YIPF4: variants seen among roughly 807,000 people sequenced by gnomAD.
The protein encoded by YIPF4 is Yip1 domain family member 4.
A neutral mutation model predicts 29.4 loss-of-function variants in YIPF4; 18 were observed. That is an observed-to-expected ratio of 0.61 (90% CI 0.42 to 0.91). The LOEUF (loss-of-function observed/expected upper bound fraction) is 0.91. YIPF4 is among the 40% of genes least tolerant of loss of function. The pLI, the probability that YIPF4 is intolerant of heterozygous loss-of-function variation, is 0.00. For missense variants in YIPF4, 279 were observed against 282.7 expected (o/e 0.99, Z 0.09); for synonymous variants, 115 against 104.7 (o/e 1.10, Z -0.60).
intron 1 of YIPF4, among the ~76,000 whole-genome samples, chr2:32,282,777 A>G (rs2030485920): frequency 6.6e-6 from 1 of 151,970 alleles, no homozygotes; most frequent in East Asian, 1.9e-4. Context: ...CAAATTGGGA[A>G]TAAGAATACC....
chr2:32,315,050 T>C lies in YIPF4; in HGVS notation c.*9424T>C, dbSNP rs527370790. On this transcript the variant is annotated 3_prime_UTR_variant, in exon 6 of 6. Coordinates refer to ENST00000238831, the MANE Select transcript of YIPF4 (RefSeq NM_032312.4). The stretch of plus-strand genomic sequence containing the variant: ...AAGGTTACATAATCCATAACTGATA[T>C]GGCAGTTTAACAGTGTTATTAAGAA... 2.6e-5 allele frequency: 4 copies of C among 152,358 alleles called. No homozygotes were observed. The highest frequency in any genetic ancestry group is 2.1e-4 in the South Asian group (1 of 4,828). 9.4% of individuals were successfully genotyped at this position (152,358 alleles called of 1,614,324 possible).
rs749009676 is a variant in YIPF4, at chr2:32,307,167, T to C, written c.*1541T>C. ...AATAATATGAAGTAATCAGGAAATA[T>C]CTATGCCTACAGAAGCAGCAACCGT... is the stretch of plus-strand genomic sequence containing the variant. On this transcript the variant is annotated 3_prime_UTR_variant, in exon 6 of 6. Transcript: ENST00000238831. 1 of 1,290,518 alleles carries C rather than the reference T, an allele frequency of 7.7e-7. No individual in the cohort carries two copies. The highest frequency in any genetic ancestry group is 1.3e-5 in the South Asian group (1 of 78,146). The allele number at this position is 1,290,518 out of a possible 1,614,324, so 79.9% of individuals were successfully genotyped here.
chr2:32,306,621 G>C lies in YIPF4; in HGVS notation c.*995G>C, dbSNP rs867622476. 4.1e-6 allele frequency: 4 copies of C among 982,462 alleles called. No individual in the cohort carries two copies. Among genetic ancestry groups the C allele is most frequent in the Middle Eastern group, 1.0e-3 (2 of 1,910 alleles). 60.9% of individuals were successfully genotyped at this position (982,462 alleles called of 1,614,324 possible). On this transcript the variant is annotated 3_prime_UTR_variant, in exon 6 of 6. Coordinates refer to ENST00000238831, the MANE Select transcript of YIPF4 (RefSeq NM_032312.4). The stretch of plus-strand genomic sequence containing the variant: ...CCTGTATTACTTGATATTTTAACAA[G>C]TATCAGGTACTCTCTAACAAATGTA...
intron 4 of YIPF4, among the ~76,000 whole-genome samples, chr2:32,300,678 T>A (rs1026716787): frequency 6.6e-6 from 1 of 152,094 alleles, no homozygotes; most frequent in Non-Finnish European, 1.5e-5. Flanking sequence ...ATAATATTTA[T>A]ATGAAAATAT....
At chr2:32,283,526 C>T (rs1448575460) in intron 1 of YIPF4, among the ~76,000 whole-genome samples, 1 of 152,116 alleles carries the variant, frequency 6.6e-6, no homozygotes, top group African/African-American at 2.4e-5. Context: ...TGTCTTTCTC[C>T]TCCTCGCCTT....
chr2:32,278,777 T>G (rs778821846), intron 1 of YIPF4, among the ~76,000 whole-genome samples: 8 of 152,136 alleles, frequency 5.3e-5, no homozygotes, highest in Non-Finnish European at 1.0e-4. Context: ...CACCTCAGTA[T>G]TCAGAGAAAT....
rs2031589951 is a variant in YIPF4 at position 32,306,638 on chromosome 2, A to G, written c.*1012A>G. ...TTTAACAAGTATCAGGTACTCTCTA[A>G]CAAATGTACAGTTTTTGCTAAGGGA... On this transcript the variant is annotated 3_prime_UTR_variant, in exon 6 of 6. Transcript: ENST00000238831. 5.1e-6 allele frequency: 5 copies of G among 973,396 alleles called. No homozygotes were observed. The highest frequency in any genetic ancestry group is 6.1e-6 in the Non-Finnish European group (5 of 819,124). 60.3% of individuals were successfully genotyped at this position (973,396 alleles called of 1,614,324 possible).
chr2:32,306,009 A>G lies in YIPF4; in HGVS notation c.*383A>G, dbSNP rs560575682. ...ATCAAAAGTGCAATTTTTTTCTTCAAAATGTTTTCTCCAGCATCACAGATC... is the reference window on the plus strand; with the variant it reads ...ATCAAAAGTGCAATTTTTTTCTTCAGAATGTTTTCTCCAGCATCACAGATC... On this transcript the variant is annotated 3_prime_UTR_variant, in exon 6 of 6. Coordinates refer to ENST00000238831, the MANE Select transcript of YIPF4 (RefSeq NM_032312.4). The G allele has an allele frequency of 2.7e-5, 26 of 980,674 alleles. No individual in the cohort carries two copies. In the East Asian group the frequency reaches 7.9e-4, roughly 30 times the overall value. The allele number at this position is 980,674 out of a possible 1,614,324, so 60.7% of individuals were successfully genotyped here.
chr2:32,284,723 C>G (rs1164153891), intron 1 of YIPF4, among the ~76,000 whole-genome samples: 4 of 152,232 alleles, frequency 2.6e-5, no homozygotes, highest in Non-Finnish European at 4.4e-5. Flanking sequence ...GCAAGTATAT[C>G]TGAGAACTGA....
chr2:32,297,182 T>A (rs752873599), intron 3 of YIPF4, among the ~76,000 whole-genome samples: 1 of 151,980 alleles, frequency 6.6e-6, no homozygotes, highest in Non-Finnish European at 1.5e-5. Context: ...TGGAGTGCAA[T>A]GGCGCAATCT....
In YIPF4 at chr2:32,277,989, G is replaced by C; in HGVS notation, c.-167G>C. 1.7e-6 allele frequency: 1 copy of C among 578,134 alleles called. No individual in the cohort carries two copies. The highest frequency in any genetic ancestry group is 2.2e-5 in the South Asian group (1 of 45,460). The allele number at this position is 578,134 out of a possible 1,614,324, so 35.8% of individuals were successfully genotyped here. ...AAGACTTTGGTGGGGTAGTCTCGGG[G>C]CAGCTCAGCGGCCCGCTGTGCCCGT... On this transcript the variant is annotated 5_prime_UTR_variant, in exon 1 of 6. Transcript: ENST00000238831.
rs750395218 is a variant in YIPF4, at chr2:32,316,535, A to G, written c.*10909A>G. On this transcript the variant is annotated 3_prime_UTR_variant, in exon 6 of 6. Transcript: ENST00000238831. ...TAAACTATTGAAATGCATCTGTGTC[A>G]ATGGTAAATAGTATTATTGTAAGTA... 7 of 152,194 alleles carry G rather than the reference A, an allele frequency of 4.6e-5. No homozygotes were observed. Among genetic ancestry groups the G allele is most frequent in the Non-Finnish European group, 1.0e-4 (7 of 68,040 alleles). The allele number at this position is 152,194 out of a possible 1,614,324, so 9.4% of individuals were successfully genotyped here.
intron 1 of YIPF4, among the ~76,000 whole-genome samples, chr2:32,290,277 ACTT>A (rs1270252997): frequency 6.6e-6 from 1 of 151,990 alleles, no homozygotes; most frequent in Non-Finnish European, 1.5e-5. Flanking sequence ...ACGTTTTTTC[ACTT>A]CTTTCATCTT....
At chr2:32,293,544 CCCCCTTTCT>C (rs2031014109) in intron 3 of YIPF4, among the ~76,000 whole-genome samples, 1 of 152,244 alleles carries the variant, frequency 6.6e-6, no homozygotes, top group South Asian at 2.1e-4. Context: ...CCCACCTTTC[CCCCCTTTCT>C]GTTCCACAAA....
intron 1 of YIPF4, among the ~76,000 whole-genome samples, chr2:32,281,894 CAAAAAAAAAAAAA>C (rs58882814): frequency 5.6e-5 from 3 of 53,436 alleles, no homozygotes; most frequent in East Asian, 4.6e-4. Context: ...GACTCTGTCT[CAAAAAAAAAAAAA>C]AAAAAAAAGG....
chr2:32,282,604 T>C (rs2030474543), intron 1 of YIPF4, among the ~76,000 whole-genome samples: 1 of 152,018 alleles, frequency 6.6e-6, no homozygotes, highest in South Asian at 2.1e-4. Flanking sequence ...AGCTAATGTT[T>C]TGTATCGTTA....
At chr2:32,280,580 C>T (rs937640534) in intron 1 of YIPF4, among the ~76,000 whole-genome samples, 2 of 151,938 alleles carry the variant, frequency 1.3e-5, no homozygotes, top group African/African-American at 4.8e-5. Flanking sequence ...GACGGGGTTT[C>T]ACTGTGTTAG....
At chr2:32,293,531 T>C (rs1260279553) in intron 3 of YIPF4, among the ~76,000 whole-genome samples, 1 of 152,238 alleles carries the variant, frequency 6.6e-6, no homozygotes, top group Non-Finnish European at 1.5e-5. Context: ...TCTCAATCTT[T>C]TCCCCACCTT....
At chr2:32,285,900 A>G (rs2148959124) in intron 1 of YIPF4, among the ~76,000 whole-genome samples, 1 of 152,186 alleles carries the variant, frequency 6.6e-6, no homozygotes. Flanking sequence ...CTACTTATGA[A>G]AAATAATATC....
Sources: gnomAD v4.1 joint callset for allele counts (sites outside exome capture counted in the v4.1 genomes callset) on GRCh38, gnomAD v4.1.1 for gene constraint, MANE v1.5 for transcripts, NCBI Gene and HGNC (gene_info 2026-07-23, HGNC 2026-07-21) for gene names.